The following NRXN3 variants were observed in gnomAD, a reference collection of about 807,000 sequenced individuals.
The protein encoded by NRXN3 is neurexin 3, also known as neurexin III.
A neutral mutation model predicts 137.6 loss-of-function variants in NRXN3; 32 were observed. The ratio of observed to expected loss-of-function variants is 0.23; its 90% CI spans 0.18 to 0.31. The LOEUF (loss-of-function observed/expected upper bound fraction) is 0.31, where lower values mean the gene tolerates loss of function less well. Ranked by LOEUF, NRXN3 falls within the 10% of genes least tolerant of loss-of-function variation. The pLI, the probability that NRXN3 is intolerant of heterozygous loss-of-function variation, is 1.00. For synonymous variants in NRXN3, 798 were observed against 784.5 expected, an observed-to-expected ratio of 1.02 and a Z score of -0.29; for missense variants, 1,574 against 2,062.5, an observed-to-expected ratio of 0.76 and a Z score of 4.59.
chr14:79,587,380 C>A (rs1323199960), intron 16 of NRXN3, among the ~76,000 whole-genome samples: 1 of 152,208 alleles, frequency 6.6e-6, no homozygotes, highest in Admixed American at 6.5e-5. Flanking sequence ...CCACACATTT[C>A]CGTCAAGGAA....
chr14:79,655,562 T>A (rs1034758435), intron 16 of NRXN3, among the ~76,000 whole-genome samples: 1 of 152,172 alleles, frequency 6.6e-6, no homozygotes, highest in Non-Finnish European at 1.5e-5. Context: ...CATGTAAATG[T>A]GTGTAGAATG....
intron 8 of NRXN3, among the ~76,000 whole-genome samples, chr14:78,738,503 A>C (rs1055465811): frequency 1.3e-5 from 2 of 152,070 alleles, no homozygotes; most frequent in African/African-American, 2.4e-5. Flanking sequence ...CGTGGCTCCC[A>C]TCTGTGTGTT....
chr14:79,352,773 C>T (rs975918308), intron 15 of NRXN3, among the ~76,000 whole-genome samples: 1 of 151,998 alleles, frequency 6.6e-6, no homozygotes, highest in African/African-American at 2.4e-5. Context: ...TGAAGTGGAC[C>T]CTACTCTTTT....
chr14:78,265,304 AG>A (rs937404117), intron 2 of NRXN3, among the ~76,000 whole-genome samples: 2 of 152,112 alleles, frequency 1.3e-5, no homozygotes, highest in Non-Finnish European at 2.9e-5. Context: ...TAGACTTAAT[AG>A]GTTTTTGTTA....
At chr14:79,098,119 A>G (rs1455768739) in intron 15 of NRXN3, among the ~76,000 whole-genome samples, 1 of 152,120 alleles carries the variant, frequency 6.6e-6, no homozygotes, top group Non-Finnish European at 1.5e-5. Flanking sequence ...ACAACCCATA[A>G]TGGTCACTTT....
intron 4 of NRXN3, among the ~76,000 whole-genome samples, chr14:78,372,840 T>G (rs1222567029): frequency 1.3e-5 from 2 of 152,188 alleles, no homozygotes; most frequent in Non-Finnish European, 2.9e-5. Flanking sequence ...TTCCTCTTCC[T>G]CTTGAATAAA....
intron 17 of NRXN3, among the ~76,000 whole-genome samples, chr14:79,666,134 A>G (rs1420536086): frequency 6.6e-6 from 1 of 152,122 alleles, no homozygotes; most frequent in African/African-American, 2.4e-5. Flanking sequence ...AGAATTTCTA[A>G]GAGTTTTTAT....
At chr14:79,428,712 T>C (rs1025441389) in intron 15 of NRXN3, among the ~76,000 whole-genome samples, 5 of 152,056 alleles carry the variant, frequency 3.3e-5, no homozygotes, top group African/African-American at 1.2e-4. Flanking sequence ...GTGGAAAATG[T>C]GAGAAATGAG....
intron 16 of NRXN3, among the ~76,000 whole-genome samples, chr14:79,663,506 T>A (rs2098544402): frequency 6.6e-6 from 1 of 152,130 alleles, no homozygotes; most frequent in African/African-American, 2.4e-5. Context: ...AGCTACTAGG[T>A]AGTTCCAGGC....
intron 10 of NRXN3, among the ~76,000 whole-genome samples, chr14:78,850,652 G>A (rs1348775944): frequency 1.3e-5 from 2 of 152,058 alleles, no homozygotes; most frequent in African/African-American, 4.8e-5. Flanking sequence ...TTATAGCCTT[G>A]TAGAAGACTG....
intron 4 of NRXN3, among the ~76,000 whole-genome samples, chr14:78,605,324 A>G (rs562462900): frequency 2.6e-5 from 4 of 152,220 alleles, no homozygotes; most frequent in Non-Finnish European, 5.9e-5. Flanking sequence ...TGGAAGCTCA[A>G]AGGGAAACAC....
chr14:78,326,860 G>A (rs963569836), intron 4 of NRXN3, among the ~76,000 whole-genome samples: 3 of 150,678 alleles, frequency 2.0e-5, no homozygotes, highest in African/African-American at 7.3e-5. Context: ...GAACAGAATG[G>A]ATCTGAATTC....
rs919680894 is a variant in NRXN3, at chr14:79,668,928, AT to A, written c.3616+4989del. On this transcript the variant is annotated intron_variant, in intron 17 of 20. Transcript: ENST00000335750. ...GACAGTATACATCGGTATAAGAAAG[AT>A]TTTTTTTTTGTCCACATCTCTTCCT... 7.0e-4 allele frequency among the ~76,000 whole-genome samples: 105 copies of A among 150,196 alleles called. 1 individual carries two copies. Among genetic ancestry groups the A allele is most frequent in the African/African-American group, 1.2e-3 (51 of 41,074 alleles).
chr14:79,234,373 A>C, intron 15 of NRXN3, among the ~76,000 whole-genome samples: 1 of 130,836 alleles, frequency 7.6e-6, no homozygotes, highest in South Asian at 2.4e-4. Flanking sequence ...TGTATTATGT[A>C]GCTCTTTATT....
At chr14:79,353,330 T>G (rs1486422471) in intron 15 of NRXN3, among the ~76,000 whole-genome samples, 1 of 152,086 alleles carries the variant, frequency 6.6e-6, no homozygotes, top group Non-Finnish European at 1.5e-5. Flanking sequence ...ATTATATTCC[T>G]TTTTCTTTTT....
chr14:79,317,795 G>A (rs1400178987), intron 15 of NRXN3, among the ~76,000 whole-genome samples: 1 of 152,090 alleles, frequency 6.6e-6, no homozygotes, highest in Non-Finnish European at 1.5e-5. Flanking sequence ...TTTTGTTATA[G>A]TCTGTTTCAT....
At chr14:78,385,308 C>T (rs1598073522) in intron 4 of NRXN3, among the ~76,000 whole-genome samples, 1 of 148,608 alleles carries the variant, frequency 6.7e-6, no homozygotes, top group African/African-American at 2.5e-5. Flanking sequence ...CACACACACA[C>T]ACACACACAC....
intron 15 of NRXN3, among the ~76,000 whole-genome samples, chr14:79,387,554 A>G (rs1489520363): frequency 6.6e-6 from 1 of 152,188 alleles, no homozygotes; most frequent in Admixed American, 6.5e-5. Flanking sequence ...GCGATTCCTC[A>G]GGGATCTAGA....
intron 15 of NRXN3, among the ~76,000 whole-genome samples, chr14:79,180,443 A>C (rs2062803639): frequency 6.6e-6 from 1 of 152,242 alleles, no homozygotes; most frequent in South Asian, 2.1e-4. Flanking sequence ...AAAAGTAAAT[A>C]TCAAATTTTT....
Sources: gnomAD v4.1 joint callset for allele counts (sites outside exome capture counted in the v4.1 genomes callset) on GRCh38, gnomAD v4.1.1 for gene constraint, MANE v1.5 for transcripts, NCBI Gene and HGNC (gene_info 2026-07-23, HGNC 2026-07-21) for gene names.